The following DPYSL3 variants were observed in gnomAD, a reference collection of about 807,000 sequenced individuals.
DPYSL3 encodes the protein dihydropyrimidinase like 3.
In DPYSL3, 16 loss-of-function variants were observed where a neutral mutation model predicts 66.1. The ratio of observed to expected loss-of-function variants is 0.24; its 90% CI spans 0.16 to 0.37. The LOEUF (loss-of-function observed/expected upper bound fraction) is 0.37. DPYSL3 is among the 10% of genes least tolerant of loss of function. The pLI is 1.00. For synonymous variants in DPYSL3, 338 were observed against 345.1 expected, an observed-to-expected ratio of 0.98 and a Z score of 0.23; for missense variants, 738 against 916.2, an observed-to-expected ratio of 0.81 and a Z score of 2.51.
chr5:147,422,093 C>G (rs1233569201), intron 2 of DPYSL3, among the ~76,000 whole-genome samples: 1 of 152,118 alleles, frequency 6.6e-6, no homozygotes. Context: ...TTTTTGCAAT[C>G]TATCCATCTG....
chr5:147,415,736 C>T lies in DPYSL3; in HGVS notation c.793G>A (p.Glu265Lys). The T allele has an allele frequency of 6.2e-7, 1 of 1,614,074 alleles. No individual in the cohort carries two copies. The highest frequency in any genetic ancestry group is 1.1e-5 in the South Asian group (1 of 91,072). The change falls in exon 4 of 14, where the codon GAA becomes AAA. Residue 265 changes from glutamate to lysine, a missense_variant. By Grantham distance (56) the Glu-to-Lys change is moderately conservative. Transcript: ENST00000343218. The stretch of plus-strand genomic sequence containing the variant: ...TTGTCCTTGATGAGGTTCTGCACTT[C>T]CTGCTTGACGCTGTCATTCCAGTGG... Reference protein sequence around the residue: ...ITHWNDSVKQEVQNLIKDKGV... With the variant: ...ITHWNDSVKQKVQNLIKDKGV...
rs750247835 is a variant in DPYSL3 at position 147,401,590 on chromosome 5, G to C, written c.1260C>G (p.Pro420=). The C allele has an allele frequency of 1.7e-5, 27 of 1,613,910 alleles. 1 individual carries two copies. In the Middle Eastern group the frequency reaches 6.6e-4, roughly 39 times the overall value. Residue 420 remains proline (P), a synonymous_variant, in exon 9 of 14, where the codon CCC becomes CCG. Coordinates refer to ENST00000343218, the MANE Select transcript of DPYSL3 (RefSeq NM_001197294.2). ...AKAAAFVTSP[P]LSPDPTTPDY... ...CCGGAGTAGTTGGGTCAGGGCTCAG[G>C]GGTGGGGATGTCACAAATGCAGCCG...
At chr5:147,494,796 A>G (rs1213948000) in intron 1 of DPYSL3, among the ~76,000 whole-genome samples, 1 of 150,450 alleles carries the variant, frequency 6.6e-6, no homozygotes, top group Non-Finnish European at 1.5e-5. Context: ...GGAGAATGGC[A>G]TGAACCCGGG....
At chr5:147,493,223 G>C (rs963474581) in intron 1 of DPYSL3, among the ~76,000 whole-genome samples, 1 of 152,198 alleles carries the variant, frequency 6.6e-6, no homozygotes, top group Admixed American at 6.5e-5. Flanking sequence ...ACTTCAAGGG[G>C]AAAGAGATGA....
chr5:147,482,317 A>G (rs541644014), intron 1 of DPYSL3, among the ~76,000 whole-genome samples: 17 of 152,368 alleles, frequency 1.1e-4, no homozygotes, highest in African/African-American at 4.1e-4. Flanking sequence ...TCAGAGAAGT[A>G]AAATGATTTG....
chr5:147,501,251 G>C (rs1437300665), intron 1 of DPYSL3, among the ~76,000 whole-genome samples: 35 of 152,122 alleles, frequency 2.3e-4, no homozygotes, highest in Non-Finnish European at 1.5e-5. Context: ...ATGACACTCT[G>C]AAAAAGACAA....
chr5:147,419,342 C>T (rs1017128558), intron 2 of DPYSL3, among the ~76,000 whole-genome samples: 8 of 152,142 alleles, frequency 5.3e-5, no homozygotes, highest in Non-Finnish European at 1.0e-4. Flanking sequence ...GACACGGCTT[C>T]GCCCAGGAAG....
intron 1 of DPYSL3, among the ~76,000 whole-genome samples, chr5:147,481,932 T>C (rs1581213545): frequency 6.6e-6 from 1 of 152,224 alleles, no homozygotes. Flanking sequence ...TCAACACAGA[T>C]GCCAGATGCC....
chr5:147,393,186 T>A lies in DPYSL3; in HGVS notation c.*849A>T, dbSNP rs892064091. On this transcript the variant is annotated 3_prime_UTR_variant, in exon 14 of 14. Coordinates refer to ENST00000343218, the MANE Select transcript of DPYSL3 (RefSeq NM_001197294.2). ...TGTGGGTGCCCTCACCACGTGGGCC[T>A]GTGCTATGTTCTCAGCTGCTGGCTT... The A allele has an allele frequency of 6.6e-6, 1 of 152,288 alleles. No homozygotes were observed. The highest frequency in any genetic ancestry group is 2.4e-5 in the African/African-American group (1 of 41,454). 9.4% of individuals were successfully genotyped at this position (152,288 alleles called of 1,614,324 possible).
At position 147,505,840 on chromosome 5, in the gene DPYSL3, C is replaced by G. The variant is rs111241373; in HGVS notation, c.381+3638G>C. On this transcript the variant is annotated intron_variant, in intron 1 of 13. Coordinates refer to ENST00000343218, the MANE Select transcript of DPYSL3 (RefSeq NM_001197294.2). ...TGTGGCAGGAAAATCTGTCCTTGCTCTGAATAATATTGACATGTCAGGAGC... is the reference window on the plus strand; with the variant it reads ...TGTGGCAGGAAAATCTGTCCTTGCTGTGAATAATATTGACATGTCAGGAGC... Among the ~76,000 whole-genome samples the G allele has an allele frequency of 8.6e-3, 1,308 of 152,200 alleles. 16 individuals are homozygous for G. The highest frequency in any genetic ancestry group is 0.031 in the Middle Eastern group (9 of 294).
intron 1 of DPYSL3, chr5:147,453,849 T>C (rs1320089542): frequency 2.4e-6 from 2 of 830,256 alleles, no homozygotes; most frequent in African/African-American, 6.9e-5. Flanking sequence ...CGGGTTTTGT[T>C]TTTTTTTTTC....
chr5:147,410,773 T>A (rs1751835805), intron 6 of DPYSL3, among the ~76,000 whole-genome samples: 1 of 152,142 alleles, frequency 6.6e-6, no homozygotes, highest in Non-Finnish European at 1.5e-5. Context: ...AGCAAGAAAT[T>A]CTGAGTATAG....
chr5:147,441,484 GC>G (rs1160679642), intron 1 of DPYSL3, among the ~76,000 whole-genome samples: 1 of 152,118 alleles, frequency 6.6e-6, no homozygotes, highest in Non-Finnish European at 1.5e-5. Context: ...TGAAGACCCT[GC>G]CTCCAATACA....
rs750161505 is a variant in DPYSL3, at chr5:147,394,163, A to C, written c.1967-40T>G. ...AAATTCCCAGGGGGAAAAAAAAAAC[A>C]GAGTGGCGGGTAGGGGGATGTGGGC... On this transcript the variant is annotated intron_variant, in intron 13 of 13. Coordinates refer to ENST00000343218, the MANE Select transcript of DPYSL3 (RefSeq NM_001197294.2). 1.9e-6 allele frequency: 3 copies of C among 1,573,690 alleles called. No homozygotes were observed. The African/African-American group carries it at 4.1e-5, about 22-fold the overall frequency.
At chr5:147,474,104 T>C (rs1465268485) in intron 1 of DPYSL3, among the ~76,000 whole-genome samples, 1 of 152,066 alleles carries the variant, frequency 6.6e-6, no homozygotes, top group African/African-American at 2.4e-5. Flanking sequence ...GTTTGTTTCC[T>C]TTTCTATAAA....
In DPYSL3 at chr5:147,405,738, A is replaced by G; in HGVS notation, c.1033-8T>C. ...CACAGCCTCAGCTTCCAGCTGCAAG[A>G]AAAAGTCTCCAGGAGTCAATAGAAA... On this transcript the variant is annotated splice_polypyrimidine_tract_variant and splice_region_variant and intron_variant, in intron 7 of 13. Coordinates refer to ENST00000343218, the MANE Select transcript of DPYSL3 (RefSeq NM_001197294.2). The G allele has an allele frequency of 6.2e-7, 1 of 1,607,254 alleles. No homozygotes were observed. The highest frequency in any genetic ancestry group is 8.5e-7 in the Non-Finnish European group (1 of 1,177,464).
rs1753290697 is a variant in DPYSL3, at chr5:147,484,036, G to T, written c.381+25442C>A. Among the ~76,000 whole-genome samples, 5 of 152,268 alleles carry T rather than the reference G, an allele frequency of 3.3e-5. No individual in the cohort carries two copies. The South Asian group carries it at 1.0e-3, about 32-fold the overall frequency. On this transcript the variant is annotated intron_variant, in intron 1 of 13. Coordinates refer to ENST00000343218, the MANE Select transcript of DPYSL3 (RefSeq NM_001197294.2). ...GGTCTGTCTCTCTGTCTGTCTGTCT[G>T]TGGCTAATGACCTGTGAAATCAGCA... is the stretch of plus-strand genomic sequence containing the variant.
intron 1 of DPYSL3, among the ~76,000 whole-genome samples, chr5:147,459,193 G>C (rs1752897837): frequency 6.6e-6 from 1 of 151,586 alleles, no homozygotes; most frequent in Non-Finnish European, 1.5e-5. Flanking sequence ...CATTTACCTA[G>C]TTTTGACCAT....
intron 4 of DPYSL3, among the ~76,000 whole-genome samples, chr5:147,414,663 C>T (rs919751297): frequency 6.6e-6 from 1 of 152,160 alleles, no homozygotes; most frequent in Non-Finnish European, 1.5e-5. Flanking sequence ...ATTTTCTACG[C>T]CGGTTGAGAT....
Sources: gnomAD v4.1 joint callset for allele counts (sites outside exome capture counted in the v4.1 genomes callset) on GRCh38, gnomAD v4.1.1 for gene constraint, MANE v1.5 for transcripts, NCBI Gene and HGNC (gene_info 2026-07-23, HGNC 2026-07-21) for gene names.